The following PGAM5 variants were observed in gnomAD, a reference collection of about 807,000 sequenced individuals.
PGAM5 encodes serine/threonine-protein phosphatase PGAM5, mitochondrial.
In PGAM5, 25 loss-of-function variants were observed where a neutral mutation model predicts 30.6. The observed-to-expected ratio is 0.82, with a 90% CI of 0.60 to 1.14. The LOEUF is 1.14. PGAM5 is among the 50% of genes most tolerant of loss of function. The pLI is 0.00. For synonymous variants in PGAM5, 201 were observed against 179.1 expected (o/e 1.12, Z -0.98); for missense variants, 384 against 408.5 (o/e 0.94, Z 0.52).
Position 132,715,036 on chromosome 12 carries a change from G to A in PGAM5, c.370G>A (p.Gly124Ser), listed in dbSNP as rs762326861. Reference sequence around the variant, plus strand: ...GAAGGACCGCACTCTGACCCCGCTGGGTATGTGGTGGGTTCAGATCCTCTG... The same window carrying A: ...GAAGGACCGCACTCTGACCCCGCTGAGTATGTGGTGGGTTCAGATCCTCTG... ...LEKDRTLTPL[G>S]REQAELTGLR... The change falls in exon 2 of 6, where the codon GGT becomes AGT. Residue 124 changes from glycine to serine, a missense_variant and splice_region_variant. Coordinates refer to ENST00000498926, the MANE Select transcript of PGAM5 (RefSeq NM_001170543.2). 1.9e-6 allele frequency: 3 copies of A among 1,606,770 alleles called. No individual in the cohort carries two copies. The highest frequency in any genetic ancestry group is 2.5e-6 in the Non-Finnish European group (3 of 1,177,008).
At chr12:132,720,635 C>T in intron 5 of PGAM5, 43 bp from the exon 6 acceptor site, 2 of 1,516,848 alleles carry the variant, frequency 1.3e-6, no homozygotes, top group South Asian at 1.2e-5. Flanking sequence ...GACAGAGCCC[C>T]CTGGCTCTAA....
chr12:132,720,650 CTCTT>C (rs1223118733), intron 5 of PGAM5, 24 bp from the exon 6 acceptor site: 3 of 1,527,598 alleles, frequency 2.0e-6, no homozygotes, highest in Non-Finnish European at 2.6e-6. Context: ...CTCTAACGTG[CTCTT>C]TCTCTCTCTC....
intron 5 of PGAM5, chr12:132,718,645 TAC>T (rs1259485661): frequency 9.3e-7 from 1 of 1,073,582 alleles, no homozygotes; most frequent in Non-Finnish European, 1.4e-6. Context: ...GGGTCCTGGG[TAC>T]GGTGCATGCT....
At chr12:132,717,853 G>A (rs562026181) in intron 4 of PGAM5, 55 bp downstream of exon 4, 27 of 1,583,974 alleles carry the variant, frequency 1.7e-5, no homozygotes, top group South Asian at 1.2e-4. Context: ...TGGGCAAAGC[G>A]GCCCTGCTGG....
At chr12:132,717,241 G>A (rs907057295) in intron 2 of PGAM5, among the ~76,000 whole-genome samples, 198 bp from the exon 3 acceptor site, 11 of 152,164 alleles carry the variant, frequency 7.2e-5, no homozygotes, top group South Asian at 2.1e-4. Flanking sequence ...AGCCTCGGGC[G>A]GGCAGGAGCC....
chr12:132,711,652 GGC>G (rs955559451), intron 1 of PGAM5: 17 of 151,930 alleles, frequency 1.1e-4, no homozygotes, highest in African/African-American at 4.1e-4. Flanking sequence ...CGAGCGAGGT[GGC>G]GCGCGCCTGT....
At chr12:132,717,920 G>A (rs1349798023) in intron 4 of PGAM5, 67 bp from the exon 5 acceptor site, 1 of 1,605,500 alleles carries the variant, frequency 6.2e-7, no homozygotes, top group Non-Finnish European at 8.5e-7. Flanking sequence ...CGGCGATGGG[G>A]TCTGTCCTCC....
chr12:132,711,261 C>A (rs1022654790), intron 1 of PGAM5, 194 bp downstream of exon 1: 14 of 359,902 alleles, frequency 3.9e-5, no homozygotes, highest in African/African-American at 2.8e-4. Flanking sequence ...TGACCCTTCC[C>A]GCCGGCTTCT....
chr12:132,719,436 A>T (rs1211645892), intron 5 of PGAM5, among the ~76,000 whole-genome samples: 1 of 152,204 alleles, frequency 6.6e-6, no homozygotes, highest in East Asian at 1.9e-4. Context: ...CAGACCAGAT[A>T]GAGCTTTTCT....
chr12:132,719,518 C>T (rs74682996), intron 5 of PGAM5, among the ~76,000 whole-genome samples: 7,509 of 152,314 alleles, frequency 0.049, 289 homozygotes, highest in Admixed American at 0.13. Context: ...CGTTCGTTGC[C>T]TCCTGTCTGT....
chr12:132,717,157 C>G (rs1311921000), intron 2 of PGAM5, among the ~76,000 whole-genome samples: 2 of 152,204 alleles, frequency 1.3e-5, no homozygotes, highest in Non-Finnish European at 2.9e-5. Context: ...GCTTGCTGCT[C>G]CATTGGTGGA....
intron 5 of PGAM5, among the ~76,000 whole-genome samples, chr12:132,720,182 AT>A (rs1439050461): frequency 6.7e-6 from 1 of 149,974 alleles, no homozygotes; most frequent in African/African-American, 2.5e-5. Flanking sequence ...GGCTCGGCTG[AT>A]GTGTACCCCG....
At chr12:132,719,825 T>A (rs2043625157) in intron 5 of PGAM5, among the ~76,000 whole-genome samples, 1 of 152,036 alleles carries the variant, frequency 6.6e-6, no homozygotes, top group Non-Finnish European at 1.5e-5. Flanking sequence ...TCAGAGGCGA[T>A]GAAGGCAACT....
At chr12:132,717,905 CCGGGCGGCGA>C in intron 4 of PGAM5, 72 bp from the exon 5 acceptor site, 2 of 1,599,912 alleles carry the variant, frequency 1.3e-6, no homozygotes, top group Non-Finnish European at 1.7e-6. Flanking sequence ...ACGGGCTTCC[CCGGGCGGCGA>C]TGGGGTCTGT....
intron 1 of PGAM5, among the ~76,000 whole-genome samples, chr12:132,712,370 A>C (rs2043532155): frequency 6.6e-6 from 1 of 152,194 alleles, no homozygotes; most frequent in Non-Finnish European, 1.5e-5. Flanking sequence ...CGTCCTGGTC[A>C]GGGGTTTGGT....
chr12:132,717,119 C>T (rs2136083936), intron 2 of PGAM5, among the ~76,000 whole-genome samples: 1 of 152,326 alleles, frequency 6.6e-6, no homozygotes, highest in African/African-American at 2.4e-5. Context: ...CCCCTGGGCC[C>T]CACCAAGCGC....
chr12:132,719,079 C>A, intron 5 of PGAM5: 1 of 1,406,070 alleles, frequency 7.1e-7, no homozygotes, highest in Non-Finnish European at 9.2e-7. Flanking sequence ...TTAGAGGGCC[C>A]CTTGGGGGGC....
chr12:132,717,692 C>T lies in PGAM5; in HGVS notation c.497-18C>T, dbSNP rs763977308. On this transcript the variant is annotated intron_variant, in intron 3 of 5. Coordinates refer to ENST00000498926, the MANE Select transcript of PGAM5 (RefSeq NM_001170543.2). ...GGCGGGGCCGCCTCACCCAGCGCTT[C>T]GCTGTGCTTCTCTGCAGGCGTCTGC... 2.6e-5 allele frequency: 40 copies of T among 1,566,212 alleles called. No homozygotes were observed. In the East Asian group the frequency reaches 3.3e-4, roughly 13 times the overall value.
intron 5 of PGAM5, 147 bp downstream of exon 5, chr12:132,718,267 C>A: frequency 9.5e-7 from 1 of 1,047,306 alleles, no homozygotes; most frequent in Non-Finnish European, 1.4e-6. Flanking sequence ...TCCCGCGAGT[C>A]CTAGTCAGTT....
Sources: gnomAD v4.1 joint callset for allele counts (sites outside exome capture counted in the v4.1 genomes callset) on GRCh38, gnomAD v4.1.1 for gene constraint, MANE v1.5 for transcripts, NCBI Gene and HGNC (gene_info 2026-07-23, HGNC 2026-07-21) for gene names.